TTF2: variants seen among roughly 807,000 people sequenced by gnomAD.
The protein encoded by TTF2 is transcription termination factor 2.
In TTF2, 108 loss-of-function variants were observed where a neutral mutation model predicts 142.4. That is an observed-to-expected ratio of 0.76 (90% CI 0.65 to 0.89). The LOEUF (loss-of-function observed/expected upper bound fraction) is 0.89. Among genes scored for constraint, TTF2 ranks in the 40% least tolerant of loss-of-function variants. The probability of loss-of-function intolerance (pLI) is 0.00; values close to 1 mark genes in which losing one functional copy is unlikely to be tolerated. For missense variants in TTF2, 1,327 were observed against 1,379.8 expected, an observed-to-expected ratio of 0.96 and a Z score of 0.61; for synonymous variants, 483 against 506.2, an observed-to-expected ratio of 0.95 and a Z score of 0.61.
intron 1 of TTF2, 25 bp downstream of exon 1, chr1:117,060,399 C>T (rs1655559095): frequency 1.2e-6 from 2 of 1,608,024 alleles, no homozygotes; most frequent in Non-Finnish European, 1.7e-6. Context: ...TCTCAGCGTC[C>T]CGGGGCCTGT....
chr1:117,094,049 A>G (rs1171113524), intron 18 of TTF2, among the ~76,000 whole-genome samples: 1 of 152,224 alleles, frequency 6.6e-6, no homozygotes, highest in Admixed American at 6.5e-5. Context: ...TCTCTGTTCT[A>G]TTGTTAACTA....
At chr1:117,078,666 G>A (rs1647215980) in intron 8 of TTF2, among the ~76,000 whole-genome samples, 1 of 152,240 alleles carries the variant, frequency 6.6e-6, no homozygotes, top group East Asian at 1.9e-4. Context: ...GCCTGGCATT[G>A]ATGAAGGATT....
rs1570903214 is a variant in TTF2, at chr1:117,106,361, A to G, written c.*4837A>G. ...GCTACACAATGTTTTTACTATCTTG[A>G]GTTCTTTTTACCCAGATTCCATAGC... On this transcript the variant is annotated 3_prime_UTR_variant, in exon 23 of 23. Transcript: ENST00000369466. 6 of 152,168 alleles carry G rather than the reference A, an allele frequency of 3.9e-5. No homozygotes were observed. In the East Asian group the frequency reaches 1.2e-3, roughly 29 times the overall value. 9.4% of individuals were successfully genotyped at this position (152,168 alleles called of 1,614,324 possible).
rs1336198950 is a variant in TTF2, at chr1:117,079,444, C to T, written c.1702-124C>T. The T allele has an allele frequency of 1.2e-6, 1 of 863,212 alleles. No homozygotes were observed. Among genetic ancestry groups the T allele is most frequent in the African/African-American group, 1.7e-5 (1 of 60,060 alleles). The allele number at this position is 863,212 out of a possible 1,614,324, so 53.5% of individuals were successfully genotyped here. A position where few individuals can be genotyped will look rare whatever the true frequency, so the allele number is the denominator to read the frequency against. ...GTTAAGGACTTCAAGGTGAAATGAACTGTCTACAGAATACTGAGGGAATCA... is the reference window on the plus strand; with the variant it reads ...GTTAAGGACTTCAAGGTGAAATGAATTGTCTACAGAATACTGAGGGAATCA... On this transcript the variant is annotated intron_variant, in intron 8 of 22. Coordinates refer to ENST00000369466, the MANE Select transcript of TTF2 (RefSeq NM_003594.4). This position sits in a 1 kb window ranked among gnomAD's most constrained non-coding sequence, Gnocchi z 4.2.
At chr1:117,060,907 T>G (rs1344834265) in intron 2 of TTF2, among the ~76,000 whole-genome samples, 3 of 152,030 alleles carry the variant, frequency 2.0e-5, no homozygotes, top group Non-Finnish European at 4.4e-5. Flanking sequence ...TTTAAAGGAG[T>G]AAGGACACAC....
chr1:117,089,268 A>C (rs1457704489), intron 13 of TTF2, among the ~76,000 whole-genome samples: 2 of 150,494 alleles, frequency 1.3e-5, no homozygotes, highest in African/African-American at 2.4e-5. Context: ...TGCTATATAT[A>C]TATATATATG....
Position 117,088,981 on chromosome 1 carries a change from AAGTG to A in TTF2, c.2342+3_2342+6del. 6.2e-7 allele frequency: 1 copy of A among 1,604,956 alleles called. No homozygotes were observed. Among genetic ancestry groups the A allele is most frequent in the Non-Finnish European group, 8.5e-7 (1 of 1,175,900 alleles). Reference sequence around the variant, plus strand: ...CTTATTGGATATGTATTCGCTGCTGAAGTGAGTAACTTCTCGTGATTGTGTAAAT... The same window carrying A: ...CTTATTGGATATGTATTCGCTGCTGAAGTAACTTCTCGTGATTGTGTAAAT... On this transcript the variant is annotated splice_donor_variant and splice_donor_region_variant and coding_sequence_variant and intron_variant, in exon 13 of 23. Coordinates refer to ENST00000369466, the MANE Select transcript of TTF2 (RefSeq NM_003594.4). LOFTEE classifies it high-confidence loss of function.
At position 117,097,357 on chromosome 1, in the gene TTF2, C is replaced by T. The variant is rs771079529; in HGVS notation, c.3193C>T (p.Leu1065=). 3.1e-6 allele frequency: 5 copies of T among 1,613,974 alleles called. No homozygotes were observed. Among genetic ancestry groups the T allele is most frequent in the Non-Finnish European group, 4.2e-6 (5 of 1,179,902 alleles). ...FNHSRGPQVM[L]ISLLAGGVGL... is the part of the protein sequence containing the mutation. Reference sequence around the variant, plus strand: ...GTTGTGTTTCCTTTTGAAGGTAATGCTAATCTCTCTCTTGGCCGGAGGTGT... The same window carrying T: ...GTTGTGTTTCCTTTTGAAGGTAATGTTAATCTCTCTCTTGGCCGGAGGTGT... Residue 1065 remains leucine (L), a synonymous_variant, in exon 21 of 23, where the codon CTA becomes TTA. Transcript: ENST00000369466. This position sits in a 1 kb window ranked among gnomAD's most constrained non-coding sequence, Gnocchi z 4.1.
chr1:117,074,615 G>C (rs1656837275), intron 4 of TTF2, among the ~76,000 whole-genome samples: 1 of 151,838 alleles, frequency 6.6e-6, no homozygotes, highest in South Asian at 2.1e-4. Flanking sequence ...GTTCTCACGA[G>C]CAGGAGCTAA....
Position 117,079,848 on chromosome 1 carries a change from G to T in TTF2, c.1783+199G>T, listed in dbSNP as rs2101052839. 6.6e-6 allele frequency among the ~76,000 whole-genome samples: 1 copy of T among 152,308 alleles called. No homozygotes were observed. Among genetic ancestry groups the T allele is most frequent in the East Asian group, 1.9e-4 (1 of 5,178 alleles). On this transcript the variant is annotated intron_variant, in intron 9 of 22. Transcript: ENST00000369466. This position sits in a 1 kb window ranked among gnomAD's most constrained non-coding sequence, Gnocchi z 4.2. Reference sequence around the variant, plus strand: ...ACACAGTTTAGGATCAAAGATGTTGGTTGCCAGCAGTAGAAGCTGACTCTG... The same window carrying T: ...ACACAGTTTAGGATCAAAGATGTTGTTTGCCAGCAGTAGAAGCTGACTCTG...
In TTF2 at chr1:117,088,866, T is replaced by A; in HGVS notation, c.2226T>A (p.Val742=). The A allele has an allele frequency of 6.2e-7, 1 of 1,614,196 alleles. No homozygotes were observed. The highest frequency in any genetic ancestry group is 8.5e-7 in the Non-Finnish European group (1 of 1,180,024). Residue 742 remains valine (V), a synonymous_variant, in exon 13 of 23, where the codon GTT becomes GTA. Coordinates refer to ENST00000369466, the MANE Select transcript of TTF2 (RefSeq NM_003594.4). ...ARIILDEAHN[V]KNPRVQTSIA... is the part of the protein sequence containing the mutation. Reference sequence around the variant, plus strand: ...TCATATTGGATGAAGCTCACAATGTTAAGAATCCCCGAGTGCAGACTTCCA... The same window carrying A: ...TCATATTGGATGAAGCTCACAATGTAAAGAATCCCCGAGTGCAGACTTCCA...
chr1:117,062,802 G>A (rs1655794166), intron 3 of TTF2, among the ~76,000 whole-genome samples: 1 of 152,188 alleles, frequency 6.6e-6, no homozygotes, highest in African/African-American at 2.4e-5. Flanking sequence ...GAACAAGGTA[G>A]TGAGTAAAAA....
intron 13 of TTF2, among the ~76,000 whole-genome samples, 164 bp downstream of exon 13, chr1:117,089,146 A>G (rs1648312934): frequency 6.6e-6 from 1 of 152,192 alleles, no homozygotes; most frequent in South Asian, 2.1e-4. Context: ...TTATGAGAAA[A>G]TAGCTGTTGA....
Position 117,097,543 on chromosome 1 carries a change from G to T in TTF2, c.3269+110G>T. The T allele has an allele frequency of 1.0e-6, 1 of 995,432 alleles. No individual in the cohort carries two copies. Among genetic ancestry groups the T allele is most frequent in the Non-Finnish European group, 1.6e-6 (1 of 624,334 alleles). The allele number at this position is 995,432 out of a possible 1,614,324, so 61.7% of individuals were successfully genotyped here. ...TGTTGATTGCTGTGTTCGTATTGCA[G>T]AGATGCCTTGCTTTGTATGTGTCTA... On this transcript the variant is annotated intron_variant, in intron 21 of 22. Coordinates refer to ENST00000369466, the MANE Select transcript of TTF2 (RefSeq NM_003594.4). This position sits in a 1 kb window ranked among gnomAD's most constrained non-coding sequence, Gnocchi z 4.1.
Position 117,095,365 on chromosome 1 carries a change from G to C in TTF2, c.3033G>C (p.Lys1011Asn). ...TTCAAAGAAATTCAGCATCCCAAAA[G>C]AGGTAACTGCGTTTTCTCATTATCC... Reference protein sequence around the residue: ...EAIQRNSASQKSVIVSQWTNM... With the variant: ...EAIQRNSASQNSVIVSQWTNM... The change falls in exon 19 of 23, where the codon AAG becomes AAC. Residue 1011 changes from lysine to asparagine, a missense_variant and splice_region_variant. Coordinates refer to ENST00000369466, the MANE Select transcript of TTF2 (RefSeq NM_003594.4). 1 of 1,614,102 alleles carries C rather than the reference G, an allele frequency of 6.2e-7. No homozygotes were observed. The highest frequency in any genetic ancestry group is 8.5e-7 in the Non-Finnish European group (1 of 1,179,946).
In TTF2 at chr1:117,094,538, C is replaced by T. The variant is rs17036849; in HGVS notation, c.2977-771C>T. The T allele has an allele frequency of 6.7e-3, 3,082 of 462,592 alleles. 51 individuals are homozygous for T. The highest frequency in any genetic ancestry group is 0.032 in the African/African-American group (1,609 of 49,996). The allele number at this position is 462,592 out of a possible 1,614,324, so 28.7% of individuals were successfully genotyped here. A position where few individuals can be genotyped will look rare whatever the true frequency, so the allele number is the denominator to read the frequency against. On this transcript the variant is annotated intron_variant, in intron 18 of 22. Coordinates refer to ENST00000369466, the MANE Select transcript of TTF2 (RefSeq NM_003594.4). Reference sequence around the variant, plus strand: ...TTGGGGAATACCCAGGGAGCCTGTTCGGAAGCTTTAACAATGGTTCCTCCG... The same window carrying T: ...TTGGGGAATACCCAGGGAGCCTGTTTGGAAGCTTTAACAATGGTTCCTCCG...
chr1:117,077,889 T>TTTTA (rs1212684770), intron 7 of TTF2, 27 bp from the exon 8 acceptor site: 9 of 1,613,144 alleles, frequency 5.6e-6, no homozygotes, highest in Non-Finnish European at 7.6e-6. Context: ...TTGTGACATC[T>TTTTA]TTTAGGTAAC....
Position 117,076,743 on chromosome 1 carries a change from G to C in TTF2, c.1493G>C (p.Arg498Pro), listed in dbSNP as rs151058269. The change falls in exon 7 of 23, where the codon CGT (arginine) becomes CCT (proline). Residue 498 changes from arginine (R) to proline (P), a missense_variant. Arg to Pro is a moderately radical substitution (Grantham distance 103). Coordinates refer to ENST00000369466, the MANE Select transcript of TTF2 (RefSeq NM_003594.4). The surrounding 1 kb of genome is among the most constrained non-coding windows in gnomAD (Gnocchi z 4.6). ...GTGCCTCCCCAACCCCTTCCTCGTC[G>C]TGGTACCCAACCTGTGGGTTCTCTA... The part of the protein sequence containing the change: ...HLVPPQPLPR[R>P]GTQPVGSLEL... 1 of 1,614,064 alleles carries C rather than the reference G, an allele frequency of 6.2e-7. No homozygotes were observed. The highest frequency in any genetic ancestry group is 8.5e-7 in the Non-Finnish European group (1 of 1,180,002).
chr1:117,078,065 G>A lies in TTF2; in HGVS notation c.1701+22G>A, dbSNP rs1258529703. 1.9e-6 allele frequency: 3 copies of A among 1,612,686 alleles called. No homozygotes were observed. The East Asian group carries it at 6.7e-5, about 36-fold the overall frequency. On this transcript the variant is annotated intron_variant, in intron 8 of 22. Coordinates refer to ENST00000369466, the MANE Select transcript of TTF2 (RefSeq NM_003594.4). ...GAAGGTGAGCCAGGGAAGACTCCTGGTGTAGTCCTCTATGACAGTGCTCCA... is the reference window on the plus strand; with the variant it reads ...GAAGGTGAGCCAGGGAAGACTCCTGATGTAGTCCTCTATGACAGTGCTCCA...
Sources: gnomAD v4.1 joint callset for allele counts (sites outside exome capture counted in the v4.1 genomes callset) on GRCh38, gnomAD v4.1.1 for gene constraint, Gnocchi (gnomAD v3.1) non-coding constraint, MANE v1.5 for transcripts, NCBI Gene and HGNC (gene_info 2026-07-23, HGNC 2026-07-21) for gene names.